Variants in FAR2 observed in about 807,000 individuals in gnomAD.
FAR2 encodes epididymis secretory protein Li 81.
FAR2 carries 19 observed loss-of-function variants against 56.0 expected under a neutral mutation model. That is an observed-to-expected ratio of 0.34 (90% CI 0.24 to 0.50). The LOEUF (loss-of-function observed/expected upper bound fraction) is 0.50, where lower values mean the gene tolerates loss of function less well. Ranked by LOEUF, FAR2 falls within the 20% of genes least tolerant of loss-of-function variation. The pLI is 0.98. For synonymous variants in FAR2, 219 were observed against 218.8 expected, an observed-to-expected ratio of 1.00 and a Z score of -0.01; for missense variants, 508 against 642.2, an observed-to-expected ratio of 0.79 and a Z score of 2.26.
intron 1 of FAR2, among the ~76,000 whole-genome samples, chr12:29,255,350 C>G (rs1948301442): frequency 6.6e-6 from 1 of 152,168 alleles, no homozygotes. Context: ...AGGGACCCAC[C>G]CTGGTGACCT....
intron 8 of FAR2, among the ~76,000 whole-genome samples, chr12:29,313,789 G>A (rs1949395128): frequency 1.3e-5 from 2 of 149,106 alleles, no homozygotes; most frequent in African/African-American, 5.1e-5. Context: ...TTCTCCAAAG[G>A]GTTTATTATT....
At chr12:29,189,303 G>T (rs780745792) in intron 1 of FAR2, among the ~76,000 whole-genome samples, 8 of 152,058 alleles carry the variant, frequency 5.3e-5, no homozygotes, top group Non-Finnish European at 1.2e-4. Context: ...CAAATACTAC[G>T]TTATTTATTT....
At chr12:29,182,684 C>A (rs957672848) in intron 1 of FAR2, among the ~76,000 whole-genome samples, 1 of 152,150 alleles carries the variant, frequency 6.6e-6, no homozygotes, top group Non-Finnish European at 1.5e-5. Context: ...GGGGTCATAT[C>A]TTTCTACTAG....
chr12:29,311,415 A>T (rs769324332), intron 7 of FAR2, among the ~76,000 whole-genome samples: 3 of 152,110 alleles, frequency 2.0e-5, no homozygotes, highest in Non-Finnish European at 4.4e-5. Context: ...TTTTCTTTCT[A>T]TTCAGTAGTC....
chr12:29,330,828 A>G (rs544642182), intron 10 of FAR2, among the ~76,000 whole-genome samples: 79 of 152,222 alleles, frequency 5.2e-4, no homozygotes, highest in African/African-American at 1.8e-3. Flanking sequence ...ATTTGGTACC[A>G]TCTAAGCCTC....
At chr12:29,305,958 C>A (rs1949248380) in intron 4 of FAR2, among the ~76,000 whole-genome samples, 1 of 151,736 alleles carries the variant, frequency 6.6e-6, no homozygotes, top group Admixed American at 6.6e-5. Context: ...AATCCCTGCA[C>A]ATTATTGGGC....
chr12:29,297,888 C>T (rs1476081726), intron 4 of FAR2, among the ~76,000 whole-genome samples: 4 of 151,932 alleles, frequency 2.6e-5, no homozygotes, highest in East Asian at 3.9e-4. Context: ...TGGTGGCAGG[C>T]GCCTGTAATC....
chr12:29,321,615 C>A (rs779879375), intron 9 of FAR2, among the ~76,000 whole-genome samples, 180 bp from the exon 10 acceptor site: 2 of 152,048 alleles, frequency 1.3e-5, no homozygotes, highest in Non-Finnish European at 2.9e-5. Context: ...CAGCCCTTTT[C>A]TTTTTCTGTT....
At chr12:29,297,274 A>G (rs1949087642) in intron 4 of FAR2, 74 bp downstream of exon 4, 1 of 1,380,710 alleles carries the variant, frequency 7.2e-7, no homozygotes, top group Admixed American at 2.2e-5. Flanking sequence ...CTTTGTAGCT[A>G]TTAATGAGAT....
At chr12:29,227,253 G>A (rs1199923227) in intron 1 of FAR2, among the ~76,000 whole-genome samples, 1 of 152,098 alleles carries the variant, frequency 6.6e-6, no homozygotes, top group Non-Finnish European at 1.5e-5. Flanking sequence ...AAGGCATTTT[G>A]ACTAGCAATT....
intron 1 of FAR2, among the ~76,000 whole-genome samples, chr12:29,207,887 G>C (rs1045247487): frequency 6.6e-6 from 1 of 152,140 alleles, no homozygotes; most frequent in Admixed American, 6.5e-5. Flanking sequence ...TTAACTGTAA[G>C]TCTTTGCTTA....
At chr12:29,222,816 C>CTA in intron 1 of FAR2, among the ~76,000 whole-genome samples, 1 of 152,078 alleles carries the variant, frequency 6.6e-6, no homozygotes. Flanking sequence ...ATTTAGAATG[C>CTA]TATATGTACT....
At chr12:29,222,769 A>G (rs1947710333) in intron 1 of FAR2, among the ~76,000 whole-genome samples, 1 of 152,184 alleles carries the variant, frequency 6.6e-6, no homozygotes, top group African/African-American at 2.4e-5. Flanking sequence ...GTCTTTGTTA[A>G]TCTTTCAAAT....
At chr12:29,316,571 T>A (rs1301513728) in intron 8 of FAR2, among the ~76,000 whole-genome samples, 1 of 152,204 alleles carries the variant, frequency 6.6e-6, no homozygotes, top group Admixed American at 6.5e-5. Context: ...GAACAGTACC[T>A]CCTTGTATTG....
intron 1 of FAR2, among the ~76,000 whole-genome samples, chr12:29,179,649 C>T (rs1273989216): frequency 1.3e-5 from 2 of 152,204 alleles, no homozygotes; most frequent in Non-Finnish European, 2.9e-5. Context: ...CATGGCCATT[C>T]TATCTTGTAT....
At chr12:29,266,170 T>G (rs1051036436) in intron 1 of FAR2, among the ~76,000 whole-genome samples, 1 of 152,076 alleles carries the variant, frequency 6.6e-6, no homozygotes, top group Admixed American at 6.5e-5. Flanking sequence ...TATACCCCGA[T>G]GAAAGGAAAT....
At chr12:29,270,354 A>C (rs1948594268) in intron 1 of FAR2, 58 bp from the exon 2 acceptor site, 6 of 1,301,842 alleles carry the variant, frequency 4.6e-6, no homozygotes, top group Non-Finnish European at 5.2e-6. Context: ...ATTTTAAGTG[A>C]CTTTGAATAT....
intron 2 of FAR2, among the ~76,000 whole-genome samples, chr12:29,287,073 G>A (rs1303504370): frequency 1.3e-5 from 2 of 152,144 alleles, no homozygotes; most frequent in African/African-American, 2.4e-5. Context: ...AAGGGCCTGA[G>A]CTCTTTCCAA....
chr12:29,171,000 G>A (rs1169702385), intron 1 of FAR2, among the ~76,000 whole-genome samples: 1 of 152,244 alleles, frequency 6.6e-6, no homozygotes, highest in Non-Finnish European at 1.5e-5. Context: ...TGCAGTATGG[G>A]CATGTGGGAT....
Sources: gnomAD v4.1 joint callset for allele counts (sites outside exome capture counted in the v4.1 genomes callset) on GRCh38, gnomAD v4.1.1 for gene constraint, MANE v1.5 for transcripts, NCBI Gene and HGNC (gene_info 2026-07-23, HGNC 2026-07-21) for gene names.